The following TPM4 variants were observed in gnomAD, a reference collection of about 807,000 sequenced individuals.
The protein encoded by TPM4 is tropomyosin 4, also known as tropomyosin alpha-4 chain.
TPM4 carries 17 observed loss-of-function variants against 35.8 expected under a neutral mutation model. The observed-to-expected ratio is 0.47, with a 90% confidence interval of 0.32 to 0.71. The LOEUF (loss-of-function observed/expected upper bound fraction) is 0.71, where lower values mean the gene tolerates loss of function less well. TPM4 is among the 30% of genes least tolerant of loss of function. The pLI, the probability that TPM4 is intolerant of heterozygous loss-of-function variation, is 0.03. For synonymous variants in TPM4, 120 were observed against 122.9 expected, an observed-to-expected ratio of 0.98 and a Z score of 0.15; for missense variants, 240 against 320.9, an observed-to-expected ratio of 0.75 and a Z score of 1.93.
rs570445230 is a variant in TPM4 at position 16,077,748 on chromosome 19, C to T, written c.132+1051C>T. ...TGGAGCCTGGCGCTTTGTAAATAAT[C>T]AATTGTGTTGTTGTTTTTTGTTGTT... On this transcript the variant is annotated intron_variant, in intron 1 of 7. Transcript: ENST00000643579. 1.4e-4 allele frequency among the ~76,000 whole-genome samples: 22 copies of T among 151,858 alleles called. No individual in the cohort carries two copies. The East Asian group carries it at 4.1e-3, about 28-fold the overall frequency.
At chr19:16,099,404 C>T (rs906923589) in intron 7 of TPM4, among the ~76,000 whole-genome samples, 7 of 151,258 alleles carry the variant, frequency 4.6e-5, no homozygotes, top group African/African-American at 9.7e-5. Context: ...GGCAACATGG[C>T]GAAACCCCAT....
chr19:16,076,194 AGCCCG>A, upstream of TPM4: 2 of 1,552,384 alleles, frequency 1.3e-6, no homozygotes, highest in South Asian at 2.4e-5. Context: ...GGGATGCGGG[AGCCCG>A]CGGCGGGGCC....
rs1316601959 is a variant in TPM4 at position 16,070,462 on chromosome 19, C to A, written c.114+2724C>A. On this transcript the variant is annotated intron_variant, in intron 2 of 2. Coordinates refer to the TPM4 transcript ENST00000589897. The surrounding 1 kb of genome is among the most constrained non-coding windows in gnomAD (Gnocchi z 7.4). ...CTGGGAGATGCCTAGGACCATGGCA[C>A]CGAGTGCCCAGCCCCACCCAGGCCA... 2.0e-5 allele frequency among the ~76,000 whole-genome samples: 3 copies of A among 152,210 alleles called. No individual in the cohort carries two copies. Among genetic ancestry groups the A allele is most frequent in the African/African-American group, 7.2e-5 (3 of 41,452 alleles).
intron 1 of TPM4, chr19:16,081,054 TC>T: frequency 2.5e-6 from 1 of 398,424 alleles, no homozygotes; most frequent in Non-Finnish European, 4.4e-6. Context: ...CCAACGAGGC[TC>T]CCCCGCCTCG....
At chr19:16,078,813 T>C (rs2090444338) in intron 1 of TPM4, among the ~76,000 whole-genome samples, 1 of 126,290 alleles carries the variant, frequency 7.9e-6, no homozygotes, top group Admixed American at 8.6e-5. Context: ...CAAAAGGAAC[T>C]AAGACCAGGG....
intron 7 of TPM4, among the ~76,000 whole-genome samples, chr19:16,094,490 C>A (rs2090669774): frequency 6.6e-6 from 1 of 151,446 alleles, no homozygotes; most frequent in Non-Finnish European, 1.5e-5. Flanking sequence ...AAGCCAAGAT[C>A]ACGCCACAGC....
At chr19:16,090,147 C>G (rs1231514554) in intron 5 of TPM4, among the ~76,000 whole-genome samples, 1 of 150,662 alleles carries the variant, frequency 6.6e-6, no homozygotes, top group East Asian at 2.0e-4. Context: ...TGAGATCTTG[C>G]TCTGTTGCTT....
At chr19:16,101,205 T>G in intron 7 of TPM4, 59 bp from the exon 8 acceptor site, 1 of 1,345,014 alleles carries the variant, frequency 7.4e-7, no homozygotes, top group Non-Finnish European at 1.0e-6. Context: ...TTTTTTTTTC[T>G]TTCATTTAAC....
chr19:16,092,123 A>C (rs2090634505), intron 5 of TPM4, among the ~76,000 whole-genome samples: 1 of 151,668 alleles, frequency 6.6e-6, no homozygotes, highest in South Asian at 2.1e-4. Flanking sequence ...AGTCACAGTG[A>C]GCCGAGATCG....
chr19:16,092,841 ACTT>A (rs377124310), intron 5 of TPM4, among the ~76,000 whole-genome samples: 111 of 151,922 alleles, frequency 7.3e-4, no homozygotes, highest in African/African-American at 2.6e-3. Flanking sequence ...TGGCCTGCTT[ACTT>A]CTTTTTATGC....
intron 3 of TPM4, among the ~76,000 whole-genome samples, chr19:16,087,043 C>T (rs1473506078): frequency 6.6e-6 from 1 of 152,090 alleles, no homozygotes; most frequent in Non-Finnish European, 1.5e-5. Flanking sequence ...GCACTTCGAC[C>T]GAGGCGGGAG....
At chr19:16,096,967 T>TTTTC (rs2090707525) in intron 7 of TPM4, among the ~76,000 whole-genome samples, 1 of 104,962 alleles carries the variant, frequency 9.5e-6, no homozygotes, top group Non-Finnish European at 1.9e-5. Flanking sequence ...TTTTTTTTTT[T>TTTTC]TTTCAAGACA....
At chr19:16,074,869 A>G (rs1244818294), upstream of TPM4, 4 of 152,350 alleles carry the variant, frequency 2.6e-5, no homozygotes, top group Admixed American at 2.6e-4. Context: ...AGGCGGGCAG[A>G]TCACTTGAGG....
chr19:16,096,315 C>G (rs2090695579), intron 7 of TPM4, among the ~76,000 whole-genome samples: 1 of 152,216 alleles, frequency 6.6e-6, no homozygotes, highest in Non-Finnish European at 1.5e-5. Context: ...GTCTGCCCAC[C>G]TCACCCTCCC....
intron 5 of TPM4, among the ~76,000 whole-genome samples, chr19:16,089,889 C>T (rs1489180741): frequency 2.0e-5 from 3 of 151,668 alleles, no homozygotes; most frequent in Admixed American, 1.3e-4. Flanking sequence ...GACAGGGTCT[C>T]ACTCTGTCAC....
Position 16,097,268 on chromosome 19 carries a change from C to CT in TPM4, c.664+3525dup, listed in dbSNP as rs890851239. On this transcript the variant is annotated intron_variant, in intron 7 of 7. Transcript: ENST00000643579. The stretch of plus-strand genomic sequence containing the variant: ...TTTGCCCGGCCCAGGCTATGCTTTG[C>CT]TTTTTTTTTTCTTCTTTCTTTTTGA... 2.5e-3 allele frequency among the ~76,000 whole-genome samples: 361 copies of CT among 144,032 alleles called. 1 individual carries two copies. The highest frequency in any genetic ancestry group is 8.6e-3 in the African/African-American group (337 of 39,218). The allele number at this position is 144,032 out of a possible 152,430, so 94.5% of individuals were successfully genotyped here.
At chr19:16,071,184 T>C (rs957851916) in intron 2 of TPM4, among the ~76,000 whole-genome samples, 3 of 152,100 alleles carry the variant, frequency 2.0e-5, no homozygotes, top group African/African-American at 7.2e-5. Context: ...TTTGTGTATA[T>C]CAGTCTTTAA....
rs1009947582 is a variant in TPM4 at position 16,070,304 on chromosome 19, C to T, written c.114+2566C>T. The stretch of plus-strand genomic sequence containing the variant: ...CCAAGGCCGTGGCCATGGTTTGGGG[C>T]AGAGCAGACAGGAGCAGTGGGTGGG... On this transcript the variant is annotated intron_variant, in intron 2 of 2. Coordinates refer to the TPM4 transcript ENST00000589897. This position sits in a 1 kb window ranked among gnomAD's most constrained non-coding sequence, Gnocchi z 7.4. Among the ~76,000 whole-genome samples, 4 of 152,096 alleles carry T rather than the reference C, an allele frequency of 2.6e-5. No homozygotes were observed. Among genetic ancestry groups the T allele is most frequent in the Admixed American group, 1.3e-4 (2 of 15,278 alleles).
At chr19:16,099,927 A>G (rs2090745732) in intron 7 of TPM4, 1 of 152,216 alleles carries the variant, frequency 6.6e-6, no homozygotes, top group African/African-American at 2.4e-5. Flanking sequence ...ACAGTTACAC[A>G]ATTATGTGTA....
Sources: gnomAD v4.1 joint callset for allele counts (sites outside exome capture counted in the v4.1 genomes callset) on GRCh38, gnomAD v4.1.1 for gene constraint, Gnocchi (gnomAD v3.1) non-coding constraint, MANE v1.5 for transcripts, NCBI Gene and HGNC (gene_info 2026-07-23, HGNC 2026-07-21) for gene names.